The following PCDHA8 variants were observed in gnomAD, a reference collection of about 807,000 sequenced individuals.
PCDHA8 encodes protocadherin alpha 8.
PCDHA8 carries 53 observed loss-of-function variants against 61.8 expected under a neutral mutation model. That is an observed-to-expected ratio of 0.86 (90% CI 0.69 to 1.08). The LOEUF (loss-of-function observed/expected upper bound fraction) is 1.08. Ranked by LOEUF, PCDHA8 falls within the 50% of genes least tolerant of loss-of-function variation. The pLI is 0.00. For missense variants in PCDHA8, 1,293 were observed against 1,245.0 expected (o/e 1.04, Z -0.58); for synonymous variants, 618 against 556.6 (o/e 1.11, Z -1.55).
chr5:140,924,931 T>C (rs1414085243), intron 1 of PCDHA8, among the ~76,000 whole-genome samples: 1 of 125,890 alleles, frequency 7.9e-6, no homozygotes, highest in Admixed American at 8.0e-5. Context: ...TAAAATAAAA[T>C]AAAATAAAAA....
intron 2 of PCDHA8, among the ~76,000 whole-genome samples, chr5:140,981,654 A>ATTTCTTCCTTCC (rs563193906): frequency 2.0e-5 from 3 of 152,026 alleles, no homozygotes; most frequent in Non-Finnish European, 2.9e-5. Context: ...GATCCCACTT[A>ATTTCTTCCTTCC]TTTCTTCCTT....
At chr5:140,863,029 G>C (rs782621997) in intron 1 of PCDHA8, 1 of 556,606 alleles carries the variant, frequency 1.8e-6, no homozygotes, top group Non-Finnish European at 3.5e-6. Context: ...TGTCGCAACA[G>C]CTGCATCTGT....
intron 1 of PCDHA8, chr5:140,877,509 G>A (rs781824762): frequency 5.6e-6 from 9 of 1,613,700 alleles, no homozygotes; most frequent in Non-Finnish European, 7.6e-6. Context: ...CAAAGACGTC[G>A]TCGCGGGCCT....
intron 1 of PCDHA8, among the ~76,000 whole-genome samples, chr5:140,895,936 G>A (rs1428112046): frequency 6.6e-6 from 1 of 151,984 alleles, no homozygotes; most frequent in Non-Finnish European, 1.5e-5. Context: ...TCAGCCTCCC[G>A]AGTAGCTGGG....
intron 1 of PCDHA8, among the ~76,000 whole-genome samples, chr5:140,953,431 G>A (rs782512202): frequency 6.6e-5 from 10 of 152,088 alleles, no homozygotes; most frequent in Non-Finnish European, 1.2e-4. Flanking sequence ...TTGTCCTTAA[G>A]CTGGAGAAAC....
At chr5:140,843,862 A>C in intron 1 of PCDHA8, 147 bp downstream of exon 1, 1 of 894,130 alleles carries the variant, frequency 1.1e-6, no homozygotes. Flanking sequence ...TAATTAATTG[A>C]ATTTTCTCAG....
At chr5:140,882,407 C>A (rs368121978) in intron 1 of PCDHA8, 48 of 1,614,006 alleles carry the variant, frequency 3.0e-5, no homozygotes, top group Non-Finnish European at 1.3e-5. Flanking sequence ...CTTCGTGGGC[C>A]GCATCGCTCA....
chr5:140,925,503 C>T (rs1210013790), intron 1 of PCDHA8, among the ~76,000 whole-genome samples: 1 of 151,978 alleles, frequency 6.6e-6, no homozygotes, highest in Non-Finnish European at 1.5e-5. Context: ...TCCCAATATC[C>T]ACGCAAAAGA....
chr5:140,870,028 T>G, intron 1 of PCDHA8: 1 of 1,613,550 alleles, frequency 6.2e-7, no homozygotes, highest in Non-Finnish European at 8.5e-7. Context: ...AACTTTAGAT[T>G]ATGAAGAAAA....
At chr5:140,941,240 T>TTTC (rs2092939181) in intron 1 of PCDHA8, among the ~76,000 whole-genome samples, 2 of 141,590 alleles carry the variant, frequency 1.4e-5, no homozygotes, top group Non-Finnish European at 3.0e-5. Flanking sequence ...TCTTTCTTTC[T>TTTC]TTCTTTCTTT....
intron 1 of PCDHA8, among the ~76,000 whole-genome samples, chr5:140,924,900 AAAAAATAAAAT>A (rs2082119593): frequency 1.6e-5 from 1 of 63,328 alleles, no homozygotes; most frequent in African/African-American, 5.4e-5. Context: ...GTCTCAAAAA[AAAAAATAAAAT>A]AAAATAAAAT....
rs2051668710 is a variant in PCDHA8, at chr5:140,870,104, CA to C, written c.2394+26390del. The C allele has an allele frequency of 1.9e-6, 3 of 1,613,930 alleles. No individual in the cohort carries two copies. In the East Asian group the frequency reaches 6.7e-5, roughly 36 times the overall value. On this transcript the variant is annotated intron_variant, in intron 1 of 3. Coordinates refer to ENST00000531613, the MANE Select transcript of PCDHA8 (RefSeq NM_018911.3). ...ACTCCCCCAATGGCAGGTCACTGTACAGTCTGGGTGGAAATCTTGGACACCA... is the reference window on the plus strand; with the variant it reads ...ACTCCCCCAATGGCAGGTCACTGTACGTCTGGGTGGAAATCTTGGACACCA...
At chr5:140,846,712 C>G (rs1014332332) in intron 1 of PCDHA8, among the ~76,000 whole-genome samples, 1 of 149,228 alleles carries the variant, frequency 6.7e-6, no homozygotes, top group Non-Finnish European at 1.5e-5. Context: ...ATTGTAATAA[C>G]CAGTCTTCAT....
chr5:140,869,587 A>G (rs1581901588), intron 1 of PCDHA8: 1 of 1,614,158 alleles, frequency 6.2e-7, no homozygotes, highest in African/African-American at 1.3e-5. Flanking sequence ...TGATGCTGAC[A>G]TTGAAGAGAA....
intron 1 of PCDHA8, chr5:140,877,748 G>C: frequency 6.2e-7 from 1 of 1,614,188 alleles, no homozygotes; most frequent in Non-Finnish European, 8.5e-7. Flanking sequence ...CAGAGGGTGT[G>C]CTCTGCAGAG....
In PCDHA8 at chr5:140,946,611, A is replaced by AATATATATATATAT. The variant is rs1554217734; in HGVS notation, c.2395-32330_2395-32317dup. Among the ~76,000 whole-genome samples the AATATATATATATAT allele has an allele frequency of 6.8e-3, 593 of 86,748 alleles. 22 individuals are homozygous for AATATATATATATAT. Among genetic ancestry groups the AATATATATATATAT allele is most frequent in the African/African-American group, 0.021 (323 of 15,664 alleles). The allele number at this position is 86,748 out of a possible 152,430, so 56.9% of individuals were successfully genotyped here. A position where few individuals can be genotyped will look rare whatever the true frequency, so the allele number is the denominator to read the frequency against. On this transcript the variant is annotated intron_variant, in intron 1 of 3. Coordinates refer to ENST00000531613, the MANE Select transcript of PCDHA8 (RefSeq NM_018911.3). ...GGATGAATAGATAAAGAAAATGTGA[A>AATATATATATATAT]ATATATATATATATATATATACAAT... is the stretch of plus-strand genomic sequence containing the variant.
chr5:140,848,313 C>G lies in PCDHA8; in HGVS notation c.2394+4598C>G, dbSNP rs1781433977. ...TGGGCCACGTGATGTCACTCTTTGCCGCGATGTTCTCTCTGAATCCAGACA... is the reference window on the plus strand; with the variant it reads ...TGGGCCACGTGATGTCACTCTTTGCGGCGATGTTCTCTCTGAATCCAGACA... On this transcript the variant is annotated intron_variant, in intron 1 of 3. Transcript: ENST00000531613. 8 of 730,624 alleles carry G rather than the reference C, an allele frequency of 1.1e-5. 1 individual carries two copies. Among genetic ancestry groups the G allele is most frequent in the Non-Finnish European group, 1.8e-5 (8 of 440,500 alleles). The allele number at this position is 730,624 out of a possible 1,614,324, so 45.3% of individuals were successfully genotyped here.
intron 1 of PCDHA8, among the ~76,000 whole-genome samples, chr5:140,914,744 T>C (rs989394283): frequency 6.6e-6 from 1 of 152,280 alleles, no homozygotes; most frequent in Non-Finnish European, 1.5e-5. Context: ...TGTATGTTTT[T>C]CCATTTGAGG....
At chr5:140,862,334 C>A in intron 1 of PCDHA8, 1 of 329,810 alleles carries the variant, frequency 3.0e-6, no homozygotes, top group Non-Finnish European at 6.0e-6. Flanking sequence ...TGTAATTGAC[C>A]CTAACTTCAG....
Sources: gnomAD v4.1 joint callset for allele counts (sites outside exome capture counted in the v4.1 genomes callset) on GRCh38, gnomAD v4.1.1 for gene constraint, MANE v1.5 for transcripts, NCBI Gene and HGNC (gene_info 2026-07-23, HGNC 2026-07-21) for gene names.